The following TNFSF4 variants were observed in gnomAD, a reference collection of about 807,000 sequenced individuals.
TNFSF4 encodes tumor necrosis factor ligand superfamily member 4.
In TNFSF4, 4 loss-of-function variants were observed where a neutral mutation model predicts 7.3. The ratio of observed to expected loss-of-function variants is 0.55; its 90% CI spans 0.27 to 1.25. The LOEUF (loss-of-function observed/expected upper bound fraction) is 1.25, where lower values mean the gene tolerates loss of function less well. TNFSF4 is among the 50% of genes most tolerant of loss of function. The pLI is 0.12. For synonymous variants in TNFSF4, 76 were observed against 83.7 expected, an observed-to-expected ratio of 0.91 and a Z score of 0.50; for missense variants, 181 against 208.8, an observed-to-expected ratio of 0.87 and a Z score of 0.82.
the TNFSF4 span, among the ~76,000 whole-genome samples, chr1:173,215,473 T>G: frequency 6.6e-6 from 1 of 152,308 alleles, no homozygotes; most frequent in African/African-American, 2.4e-5. Flanking sequence ...AACAAGAATT[T>G]TATCCTGTTA....
chr1:173,434,606 T>C, the TNFSF4 span, among the ~76,000 whole-genome samples: 1 of 152,202 alleles, frequency 6.6e-6, no homozygotes, highest in East Asian at 1.9e-4. Context: ...AAAGTTACCA[T>C]TCAACATTTG....
At chr1:173,285,372 A>C in the TNFSF4 span, among the ~76,000 whole-genome samples, 1 of 152,202 alleles carries the variant, frequency 6.6e-6, no homozygotes, top group Middle Eastern at 3.2e-3. Flanking sequence ...TTTCTGGTGA[A>C]GATGCTGTGA....
chr1:173,384,834 C>A, the TNFSF4 span, among the ~76,000 whole-genome samples: 5 of 152,102 alleles, frequency 3.3e-5, no homozygotes. Flanking sequence ...TGAATATGTT[C>A]TTATATTTAT....
At chr1:173,249,635 A>G in the TNFSF4 span, among the ~76,000 whole-genome samples, 1 of 152,200 alleles carries the variant, frequency 6.6e-6, no homozygotes, top group Middle Eastern at 3.2e-3. Flanking sequence ...TGACTTCTGG[A>G]AAATAGCCTA....
At chr1:173,193,768 C>CAAAAA (rs34461114) in intron 1 of TNFSF4, among the ~76,000 whole-genome samples, 1 of 101,914 alleles carries the variant, frequency 9.8e-6, no homozygotes, top group African/African-American at 3.2e-5. Context: ...ATAAGTGAAG[C>CAAAAA]AAAAAAAAAA....
chr1:173,291,988 T>TA, the TNFSF4 span, among the ~76,000 whole-genome samples: 185 of 145,726 alleles, frequency 1.3e-3, 1 homozygote, highest in African/African-American at 3.9e-3. Context: ...AAATCAATAA[T>TA]AAAAAAAAAT....
At chr1:173,309,223 T>C in the TNFSF4 span, among the ~76,000 whole-genome samples, 1 of 152,116 alleles carries the variant, frequency 6.6e-6, no homozygotes, top group East Asian at 1.9e-4. Flanking sequence ...GCATTTTTTG[T>C]CTTATTACAC....
chr1:173,425,565 T>C, the TNFSF4 span, among the ~76,000 whole-genome samples: 3 of 152,170 alleles, frequency 2.0e-5, no homozygotes, highest in Admixed American at 6.5e-5. Flanking sequence ...ACTAGTGATA[T>C]GGGGAAGAAG....
At chr1:173,359,484 T>G in the TNFSF4 span, among the ~76,000 whole-genome samples, 2 of 109,232 alleles carry the variant, frequency 1.8e-5, no homozygotes, top group African/African-American at 7.2e-5. Flanking sequence ...AAAAGAAAAA[T>G]TCAAGGACTT....
the TNFSF4 span, among the ~76,000 whole-genome samples, chr1:173,441,339 C>T: frequency 2.6e-5 from 4 of 151,980 alleles, no homozygotes; most frequent in Non-Finnish European, 5.9e-5. Flanking sequence ...CTTATAGCTC[C>T]CCTCCCTTAC....
At chr1:173,230,851 T>C in the TNFSF4 span, among the ~76,000 whole-genome samples, 5 of 152,068 alleles carry the variant, frequency 3.3e-5, no homozygotes, top group Non-Finnish European at 1.5e-5. Context: ...CTAGAAGAAA[T>C]GGATAAATTC....
At chr1:173,351,871 AC>A in the TNFSF4 span, 12 of 594,318 alleles carry the variant, frequency 2.0e-5, no homozygotes, top group South Asian at 1.3e-4. Context: ...GTAGGCATTC[AC>A]CCCAGCAAGG....
the TNFSF4 span, among the ~76,000 whole-genome samples, chr1:173,220,603 G>T: frequency 1.3e-5 from 2 of 152,102 alleles, no homozygotes; most frequent in East Asian, 3.8e-4. Flanking sequence ...ATGTAATTAG[G>T]TCATGAGGGT....
intron 1 of TNFSF4, among the ~76,000 whole-genome samples, chr1:173,188,891 T>G (rs973036705): frequency 1.3e-5 from 2 of 152,106 alleles, no homozygotes; most frequent in African/African-American, 2.4e-5. Flanking sequence ...TTTTGTTTTT[T>G]GGGGTTTTTG....
chr1:173,238,422 A>G, the TNFSF4 span, among the ~76,000 whole-genome samples: 1 of 152,312 alleles, frequency 6.6e-6, no homozygotes, highest in East Asian at 1.9e-4. Context: ...AAGCTCTTGA[A>G]CTAACAAGCT....
chr1:173,380,413 G>T, the TNFSF4 span, among the ~76,000 whole-genome samples: 1 of 152,032 alleles, frequency 6.6e-6, no homozygotes, highest in South Asian at 2.1e-4. Flanking sequence ...CAGGCTAAAA[G>T]ACCCCATCAG....
At chr1:173,377,725 A>C in the TNFSF4 span, among the ~76,000 whole-genome samples, 2 of 152,228 alleles carry the variant, frequency 1.3e-5, no homozygotes, top group African/African-American at 2.4e-5. Flanking sequence ...CTAACCAGAA[A>C]GACACAATTT....
chr1:173,370,721 A>G, the TNFSF4 span, among the ~76,000 whole-genome samples: 2 of 152,174 alleles, frequency 1.3e-5, no homozygotes, highest in South Asian at 2.1e-4. Context: ...AAACCTGGCA[A>G]CATCAGTATT....
At chr1:173,309,986 T>C in the TNFSF4 span, among the ~76,000 whole-genome samples, 2 of 151,916 alleles carry the variant, frequency 1.3e-5, no homozygotes, top group Admixed American at 6.6e-5. Context: ...ATAATGTTCA[T>C]ATGAGATTTT....
Sources: gnomAD v4.1 joint callset for allele counts (sites outside exome capture counted in the v4.1 genomes callset) on GRCh38, gnomAD v4.1.1 for gene constraint, MANE v1.5 for transcripts, NCBI Gene and HGNC (gene_info 2026-07-23, HGNC 2026-07-21) for gene names.